Variants in ATOSA observed in about 807,000 individuals in gnomAD.
ATOSA encodes the protein atos homolog A, also known as atos homolog protein A.
At chr15:52,621,489 T>C in the ATOSA span, among the ~76,000 whole-genome samples, 2 of 152,256 alleles carry the variant, frequency 1.3e-5, no homozygotes, top group Non-Finnish European at 2.9e-5. Flanking sequence ...TCTACTAATA[T>C]GGTTTGGCTG....
the ATOSA span, among the ~76,000 whole-genome samples, chr15:52,585,643 T>C: frequency 1.3e-5 from 2 of 152,214 alleles, no homozygotes; most frequent in African/African-American, 2.4e-5. Flanking sequence ...ATTCTCAATA[T>C]TATTATAGAC....
At chr15:52,631,155 T>C in the ATOSA span, among the ~76,000 whole-genome samples, 72 of 152,340 alleles carry the variant, frequency 4.7e-4, no homozygotes, top group Non-Finnish European at 8.7e-4. Flanking sequence ...ATATGCTTCA[T>C]AATTTTAAAA....
At chr15:52,676,252 T>TA in the ATOSA span, among the ~76,000 whole-genome samples, 241 of 148,474 alleles carry the variant, frequency 1.6e-3, 2 homozygotes, top group South Asian at 0.011. Context: ...CAATGTAGTT[T>TA]AAAAAAAAAA....
the ATOSA span, among the ~76,000 whole-genome samples, chr15:52,676,689 A>G: frequency 4.3e-4 from 65 of 152,354 alleles, no homozygotes; most frequent in Admixed American, 3.1e-3. Context: ...CTAAAAATCT[A>G]TATCAGTACG....
the ATOSA span, among the ~76,000 whole-genome samples, chr15:52,636,145 A>C: frequency 6.8e-6 from 1 of 147,350 alleles, no homozygotes; most frequent in African/African-American, 2.5e-5. Context: ...TAAAATAATA[A>C]ATGTATAAAT....
chr15:52,636,200 C>A, the ATOSA span, among the ~76,000 whole-genome samples: 1 of 147,378 alleles, frequency 6.8e-6, no homozygotes, highest in Non-Finnish European at 1.5e-5. Flanking sequence ...GGATTTAAAT[C>A]ATAAAGTATG....
At chr15:52,610,491 T>C in the ATOSA span, 1 of 1,215,412 alleles carries the variant, frequency 8.2e-7, no homozygotes, top group South Asian at 1.7e-5. Context: ...TTTGTTTGCG[T>C]TAATTACCAC....
At chr15:52,651,954 AT>A in the ATOSA span, 11,741 of 1,535,194 alleles carry the variant, frequency 7.6e-3, 124 homozygotes, top group African/African-American at 0.046. Context: ...ATCAATAGCT[AT>A]ACTATCAGTA....
the ATOSA span, chr15:52,678,545 C>A: frequency 6.4e-6 from 1 of 156,554 alleles, no homozygotes; most frequent in African/African-American, 2.4e-5. Flanking sequence ...GCCTCCCGAG[C>A]CCTCCGCCCG....
chr15:52,698,512 G>A, the ATOSA span, among the ~76,000 whole-genome samples: 1 of 152,090 alleles, frequency 6.6e-6, no homozygotes, highest in Non-Finnish European at 1.5e-5. Flanking sequence ...CAAATAAATT[G>A]TAATAGATTT....
the ATOSA span, among the ~76,000 whole-genome samples, chr15:52,635,638 G>C: frequency 1.3e-5 from 2 of 152,172 alleles, no homozygotes; most frequent in Admixed American, 1.3e-4. Flanking sequence ...TGAGGCTGCA[G>C]TGAGCTAGGA....
At chr15:52,620,157 T>C in the ATOSA span, among the ~76,000 whole-genome samples, 48 of 152,288 alleles carry the variant, frequency 3.2e-4, no homozygotes, top group Non-Finnish European at 5.6e-4. Context: ...TGGGAAAACT[T>C]TGAACAACTG....
At chr15:52,627,716 G>A in the ATOSA span, among the ~76,000 whole-genome samples, 1 of 151,720 alleles carries the variant, frequency 6.6e-6, no homozygotes, top group African/African-American at 2.4e-5. Context: ...ATTTTACTAT[G>A]ATTTTTAAAA....
chr15:52,662,041 C>A, the ATOSA span, among the ~76,000 whole-genome samples: 1 of 151,214 alleles, frequency 6.6e-6, no homozygotes, highest in African/African-American at 2.4e-5. Flanking sequence ...ACAGATGAGG[C>A]AACTGGTAGT....
chr15:52,704,446 G>T, the ATOSA span, among the ~76,000 whole-genome samples: 211 of 152,238 alleles, frequency 1.4e-3, no homozygotes, highest in South Asian at 3.3e-3. Context: ...ATAGGCATGG[G>T]CAAAGGCTTA....
the ATOSA span, chr15:52,593,578 C>T: frequency 6.4e-7 from 1 of 1,557,886 alleles, no homozygotes; most frequent in East Asian, 2.3e-5. Flanking sequence ...AAATACTTGC[C>T]ATATAAGGAG....
the ATOSA span, among the ~76,000 whole-genome samples, chr15:52,639,160 A>G: frequency 6.6e-6 from 1 of 151,892 alleles, no homozygotes; most frequent in African/African-American, 2.4e-5. Flanking sequence ...TTACTATCTG[A>G]TAAGTATGAA....
At chr15:52,633,627 A>T in the ATOSA span, among the ~76,000 whole-genome samples, 18 of 152,200 alleles carry the variant, frequency 1.2e-4, no homozygotes, top group Admixed American at 6.5e-5. Flanking sequence ...AGAAAAAAAA[A>T]TCCCATCAAT....
chr15:52,611,347 C>T, the ATOSA span: 2 of 1,495,854 alleles, frequency 1.3e-6, no homozygotes, highest in Non-Finnish European at 9.0e-7. Context: ...AAACTTATCA[C>T]TCAGGATTTG....
Sources: allele counts gnomAD v4.1 joint callset (sites outside exome capture counted in the v4.1 genomes callset), GRCh38; gene constraint gnomAD v4.1.1; transcripts MANE v1.5; gene names NCBI Gene and HGNC (gene_info 2026-07-23, HGNC 2026-07-21).